Variants in CTCFL observed in about 807,000 individuals in gnomAD.
The protein encoded by CTCFL is CCCTC-binding factor like.
Under a neutral mutation model 67.4 loss-of-function variants are expected in CTCFL, and 36 were observed. That is an observed-to-expected ratio of 0.53 (90% CI 0.41 to 0.71). CTCFL has a LOEUF of 0.71. CTCFL is among the 30% of genes least tolerant of loss of function. CTCFL has a pLI of 0.00. For missense variants in CTCFL, 786 were observed against 835.2 expected (o/e 0.94, Z 0.73); for synonymous variants, 324 against 302.3 (o/e 1.07, Z -0.75).
rs1001798252 is a variant in CTCFL, at chr20:57,525,088, G to C, written c.-72C>G. On this transcript the variant is annotated 5_prime_UTR_variant, in exon 1 of 11. Coordinates refer to ENST00000243914, the MANE Select transcript of CTCFL (RefSeq NM_001386993.1). Reference sequence around the variant, plus strand: ...GTCTTTGGCTTGTGGGCTCTGCCTCGTGCACCGCGTGCTGCAGCCCACAGC... The same window carrying C: ...GTCTTTGGCTTGTGGGCTCTGCCTCCTGCACCGCGTGCTGCAGCCCACAGC... 3 of 152,048 alleles carry C rather than the reference G, an allele frequency of 2.0e-5. No homozygotes were observed. Among genetic ancestry groups the C allele is most frequent in the Admixed American group, 6.6e-5 (1 of 15,264 alleles). The allele number at this position is 152,048 out of a possible 1,614,324, so 9.4% of individuals were successfully genotyped here.
chr20:57,521,819 C>A (rs926340658), intron 3 of CTCFL, among the ~76,000 whole-genome samples: 1 of 152,136 alleles, frequency 6.6e-6, no homozygotes, highest in Non-Finnish European at 1.5e-5. Flanking sequence ...AATCTAGACA[C>A]GAAAGGCACA....
chr20:57,512,834 T>C, intron 7 of CTCFL, 82 bp from the exon 8 acceptor site: 1 of 1,393,300 alleles, frequency 7.2e-7, no homozygotes, highest in Non-Finnish European at 1.0e-6. Flanking sequence ...AACCGGGGTT[T>C]CTCAGCCTTG....
rs1466810844 is a variant in CTCFL, at chr20:57,506,805, G to T, written c.1674+1801C>A. 10 of 984,926 alleles carry T rather than the reference G, an allele frequency of 1.0e-5. No homozygotes were observed. In the African/African-American group the frequency reaches 1.7e-4, roughly 17 times the overall value. 61.0% of individuals were successfully genotyped at this position (984,926 alleles called of 1,614,324 possible). On this transcript the variant is annotated intron_variant, in intron 9 of 10. Transcript: ENST00000243914. ...CCAAAGAGCAGTTTTTTTCTCTTTA[G>T]AATTCTACTCGTTAATTTTAACTCT...
At chr20:57,524,348 A>C in intron 1 of CTCFL, 132 bp from the exon 2 acceptor site, 1 of 1,485,042 alleles carries the variant, frequency 6.7e-7, no homozygotes, top group South Asian at 1.4e-5. Flanking sequence ...TTTTGGACTT[A>C]GTAGGGTCAG....
rs903948736 is a variant in CTCFL at position 57,524,008 on chromosome 20, C to T, written c.198G>A (p.Glu66=). ...FQDSVLEEEV[E]LVLAPSEESE... ...TCTCCTCCGAGGGGGCCAGCACCAG[C>T]TCCACTTCTTCCTCCAGGACGCTGT... Residue 66 remains glutamate (E), a synonymous_variant, in exon 2 of 11, where the codon GAG becomes GAA. Coordinates refer to ENST00000243914, the MANE Select transcript of CTCFL (RefSeq NM_001386993.1). 2.5e-6 allele frequency: 4 copies of T among 1,613,220 alleles called. No homozygotes were observed. Among genetic ancestry groups the T allele is most frequent in the Non-Finnish European group, 3.4e-6 (4 of 1,180,002 alleles).
At chr20:57,524,358 G>A in intron 1 of CTCFL, 142 bp from the exon 2 acceptor site, 1 of 1,468,346 alleles carries the variant, frequency 6.8e-7, no homozygotes, top group Non-Finnish European at 8.9e-7. Context: ...AGTAGGGTCA[G>A]AACAATGCTG....
At chr20:57,497,148 G>T, downstream of CTCFL, 1 of 658,804 alleles carries the variant, frequency 1.5e-6, no homozygotes, top group Non-Finnish European at 1.9e-6. Context: ...AAAGACCAAT[G>T]CTGACATATA....
chr20:57,513,881 A>T lies in CTCFL; in HGVS notation c.1330+711T>A, dbSNP rs543101813. 23 of 1,289,064 alleles carry T rather than the reference A, an allele frequency of 1.8e-5. No individual in the cohort carries two copies. The East Asian group carries it at 1.2e-3, about 65-fold the overall frequency. 79.9% of individuals were successfully genotyped at this position (1,289,064 alleles called of 1,614,324 possible). On this transcript the variant is annotated intron_variant, in intron 7 of 10. Coordinates refer to ENST00000243914, the MANE Select transcript of CTCFL (RefSeq NM_001386993.1). ...AGGGAGGCCCAGGAATCCTGAAACA[A>T]AGAAGAGGCTCGTTCACTCACGCTT...
Position 57,524,013 on chromosome 20 carries a change from C to T in CTCFL, c.193G>A (p.Val65Met). 2.5e-6 allele frequency: 4 copies of T among 1,613,346 alleles called. No individual in the cohort carries two copies. The highest frequency in any genetic ancestry group is 2.5e-6 in the Non-Finnish European group (3 of 1,179,990). ...AFQDSVLEEE[V>M]ELVLAPSEES... ...TCCGAGGGGGCCAGCACCAGCTCCA[C>T]TTCTTCCTCCAGGACGCTGTCCTGG... Residue 65 changes from valine to methionine, a missense_variant, in exon 2 of 11, where the codon GTG becomes ATG. Val to Met is a conservative substitution (Grantham distance 21, BLOSUM62 1). This residue lies in a region of CTCFL where 333 missense variants were observed against 304.6 expected (regional missense o/e 1.09). Coordinates refer to ENST00000243914, the MANE Select transcript of CTCFL (RefSeq NM_001386993.1).
At chr20:57,504,258 G>A (rs965041894) in intron 9 of CTCFL, among the ~76,000 whole-genome samples, 3 of 148,260 alleles carry the variant, frequency 2.0e-5, no homozygotes, top group Middle Eastern at 3.7e-3. Context: ...TTACAGGCAT[G>A]AGCCACTGCA....
chr20:57,524,059 G>C lies in CTCFL; in HGVS notation c.147C>G (p.Ala49=). The change falls in exon 2 of 11, where the codon GCC becomes GCG. Residue 49 remains alanine, a synonymous_variant. Transcript: ENST00000243914. ...KDHRSPSELE[A]ERTSGAFQDS... is the part of the protein sequence containing the mutation. Reference sequence around the variant, plus strand: ...CCTGGAAGGCCCCAGAGGTACGCTCGGCCTCCAACTCACTAGGGCTCCGAT... The same window carrying C: ...CCTGGAAGGCCCCAGAGGTACGCTCCGCCTCCAACTCACTAGGGCTCCGAT... 1.2e-6 allele frequency: 2 copies of C among 1,613,556 alleles called. No individual in the cohort carries two copies. The highest frequency in any genetic ancestry group is 1.6e-4 in the Middle Eastern group (1 of 6,062).
rs112576156 is a variant in CTCFL, at chr20:57,501,132, C to T, written c.1840+2304G>A. On this transcript the variant is annotated intron_variant, in intron 10 of 10. Coordinates refer to ENST00000243914, the MANE Select transcript of CTCFL (RefSeq NM_001386993.1). ...GTTTATTCAACAAGTGGTGACTTAA[C>T]GAGCAATGCTGAGGCCAGGCCTAGT... Among the ~76,000 whole-genome samples the T allele has an allele frequency of 1.8e-3, 278 of 152,328 alleles. 3 individuals are homozygous for T. The highest frequency in any genetic ancestry group is 5.2e-3 in the African/African-American group (218 of 41,570).
At chr20:57,513,500 T>G in intron 7 of CTCFL, 1 of 1,006,438 alleles carries the variant, frequency 9.9e-7, no homozygotes, top group Non-Finnish European at 1.2e-6. Context: ...TTATAAAGCA[T>G]CTTATAGGGC....
intron 10 of CTCFL, 77 bp downstream of exon 10, chr20:57,503,359 G>C (rs1190655219): frequency 1.1e-5 from 17 of 1,547,438 alleles, no homozygotes; most frequent in Non-Finnish European, 1.3e-5. Context: ...CCCCTGGACA[G>C]TAACACTCGG....
In CTCFL at chr20:57,523,254, G is replaced by C; in HGVS notation, c.568C>G (p.Gln190Glu). ...IKLEEEQEKN[Q>E]LLAERTKEQL... The stretch of plus-strand genomic sequence containing the variant: ...TCCTTTGTTCTTTCAGCCAATAACT[G>C]GTTCTTCTCCTGCTCTTCCTCGAGC... Residue 190 changes from glutamine to glutamate, a missense_variant, in exon 3 of 11, where the codon CAG becomes GAG. Coordinates refer to ENST00000243914, the MANE Select transcript of CTCFL (RefSeq NM_001386993.1). 1 of 1,613,702 alleles carries C rather than the reference G, an allele frequency of 6.2e-7. No homozygotes were observed. Among genetic ancestry groups the C allele is most frequent in the South Asian group, 1.1e-5 (1 of 91,058 alleles).
intron 9 of CTCFL, among the ~76,000 whole-genome samples, chr20:57,504,941 G>A (rs1364368657): frequency 1.3e-5 from 2 of 151,924 alleles, no homozygotes; most frequent in African/African-American, 4.8e-5. Context: ...TGTAGCTTCT[G>A]CTTCCTTGGC....
intron 9 of CTCFL, chr20:57,507,715 T>A (rs1334641878): frequency 2.8e-6 from 2 of 702,976 alleles, no homozygotes; most frequent in Non-Finnish European, 5.2e-6. Context: ...CTGGCGGACA[T>A]CCTGACTGCA....
intron 10 of CTCFL, chr20:57,500,269 T>C: frequency 1.1e-6 from 1 of 895,758 alleles, no homozygotes. Flanking sequence ...GTGAGAGACA[T>C]GGTAAAACCC....
chr20:57,513,652 C>A, intron 7 of CTCFL: 1 of 1,181,990 alleles, frequency 8.5e-7, no homozygotes, highest in African/African-American at 1.6e-5. Context: ...CTGGTATCTA[C>A]GGCAACAATG....
Sources: gnomAD v4.1 joint callset for allele counts (sites outside exome capture counted in the v4.1 genomes callset) on GRCh38, gnomAD v4.1.1 for gene constraint, gnomAD v4.1.1 regional missense constraint, MANE v1.5 for transcripts, NCBI Gene and HGNC (gene_info 2026-07-23, HGNC 2026-07-21) for gene names.